The following GABRB1 variants were observed in gnomAD, a reference collection of about 807,000 sequenced individuals.
GABRB1 encodes gamma-aminobutyric acid type A receptor subunit beta1.
A neutral mutation model predicts 51.6 loss-of-function variants in GABRB1; 17 were observed. The observed-to-expected ratio is 0.33, with a 90% CI of 0.23 to 0.49. The LOEUF is 0.49. GABRB1 is among the 20% of genes least tolerant of loss of function. The probability of loss-of-function intolerance (pLI) is 0.99; values close to 1 mark genes in which losing one functional copy is unlikely to be tolerated. For synonymous variants in GABRB1, 247 were observed against 218.9 expected, an observed-to-expected ratio of 1.13 and a Z score of -1.14; for missense variants, 410 against 600.6, an observed-to-expected ratio of 0.68 and a Z score of 3.32.
At chr4:47,277,131 C>T (rs1297279188) in intron 4 of GABRB1, among the ~76,000 whole-genome samples, 1 of 152,056 alleles carries the variant, frequency 6.6e-6, no homozygotes, top group Non-Finnish European at 1.5e-5. Context: ...CCACGAATTA[C>T]ACTTGAGACT....
chr4:47,159,803 C>T (rs1443854484), intron 3 of GABRB1, among the ~76,000 whole-genome samples: 1 of 152,028 alleles, frequency 6.6e-6, no homozygotes, highest in Non-Finnish European at 1.5e-5. Flanking sequence ...AGATGTTAGA[C>T]ATGATTCTAA....
intron 3 of GABRB1, among the ~76,000 whole-genome samples, chr4:47,043,523 T>C (rs1725949932): frequency 1.3e-5 from 2 of 152,104 alleles, no homozygotes; most frequent in South Asian, 2.1e-4. Context: ...TAAATTTAAC[T>C]TGATGAATTA....
intron 3 of GABRB1, among the ~76,000 whole-genome samples, chr4:47,085,435 A>G (rs1728018488): frequency 6.6e-6 from 1 of 152,236 alleles, no homozygotes; most frequent in African/African-American, 2.4e-5. Context: ...TTCACTTTGT[A>G]TTGAAGCAAC....
intron 3 of GABRB1, among the ~76,000 whole-genome samples, chr4:47,110,034 G>C (rs1715151421): frequency 6.6e-6 from 1 of 152,030 alleles, no homozygotes; most frequent in African/African-American, 2.4e-5. Context: ...TCAAGAAGGG[G>C]GCTGTAACCA....
rs1308462955 is a variant in GABRB1 at position 47,376,916 on chromosome 4, A to G, written c.545-26402A>G. ...TTTGCAATCTTGAGATTTTGCTCTT[A>G]AGTAGATGAATGTTTCTTTTCTCCT... is the stretch of plus-strand genomic sequence containing the variant. On this transcript the variant is annotated intron_variant, in intron 5 of 8. Coordinates refer to ENST00000295454, the MANE Select transcript of GABRB1 (RefSeq NM_000812.4). Among the ~76,000 whole-genome samples, 3 of 152,192 alleles carry G rather than the reference A, an allele frequency of 2.0e-5. No homozygotes were observed. In the South Asian group the frequency reaches 6.2e-4, roughly 31 times the overall value.
chr4:47,241,687 A>G (rs908330216), intron 4 of GABRB1, among the ~76,000 whole-genome samples: 1 of 152,190 alleles, frequency 6.6e-6, no homozygotes, highest in African/African-American at 2.4e-5. Flanking sequence ...CCTTACCTCC[A>G]ACTCTCACCT....
chr4:47,109,158 G>A (rs534618393), intron 3 of GABRB1, among the ~76,000 whole-genome samples: 1 of 152,212 alleles, frequency 6.6e-6, no homozygotes, highest in East Asian at 1.9e-4. Context: ...TGCTTAACGT[G>A]AATGTGGTTT....
intron 1 of GABRB1, among the ~76,000 whole-genome samples, chr4:47,019,552 TC>T: frequency 8.2e-6 from 1 of 121,994 alleles, no homozygotes; most frequent in Non-Finnish European, 2.0e-5. Context: ...GTTTAGTTTC[TC>T]TCTCTCTCTC....
chr4:47,381,157 C>A (rs1560360750), intron 5 of GABRB1, among the ~76,000 whole-genome samples: 1 of 152,112 alleles, frequency 6.6e-6, no homozygotes, highest in East Asian at 1.9e-4. Context: ...CTGGAGGTGA[C>A]TACAGAAGCC....
intron 5 of GABRB1, among the ~76,000 whole-genome samples, chr4:47,351,395 A>G (rs892757661): frequency 6.6e-6 from 1 of 152,100 alleles, no homozygotes; most frequent in African/African-American, 2.4e-5. Context: ...TAATTTCACC[A>G]TAGAATTTTG....
chr4:47,216,442 C>T (rs541037400), intron 4 of GABRB1, among the ~76,000 whole-genome samples: 1 of 151,820 alleles, frequency 6.6e-6, no homozygotes, highest in Non-Finnish European at 1.5e-5. Flanking sequence ...TTAACCTTAG[C>T]GATATTTCTG....
At chr4:47,052,667 T>A (rs1726405811) in intron 3 of GABRB1, among the ~76,000 whole-genome samples, 1 of 152,178 alleles carries the variant, frequency 6.6e-6, no homozygotes, top group African/African-American at 2.4e-5. Flanking sequence ...AACCCTGTTG[T>A]CTTCTTGCTG....
chr4:47,096,588 A>G (rs1390316528), intron 3 of GABRB1, among the ~76,000 whole-genome samples: 1 of 152,190 alleles, frequency 6.6e-6, no homozygotes, highest in African/African-American at 2.4e-5. Context: ...GATTAATTTA[A>G]GGACCTTGAG....
chr4:47,113,670 T>C (rs1409927374), intron 3 of GABRB1, among the ~76,000 whole-genome samples: 6 of 152,208 alleles, frequency 3.9e-5, no homozygotes, highest in Non-Finnish European at 8.8e-5. Flanking sequence ...CTCCTAATGC[T>C]CAGATCCTTA....
intron 4 of GABRB1, among the ~76,000 whole-genome samples, chr4:47,296,659 G>A (rs1724009093): frequency 6.6e-6 from 1 of 152,086 alleles, no homozygotes; most frequent in African/African-American, 2.4e-5. Flanking sequence ...CAATAATAAT[G>A]GGAGACTTTA....
At position 47,258,762 on chromosome 4, in the gene GABRB1, T is replaced by C. The variant is rs369719970; in HGVS notation, c.462-61365T>C. Reference sequence around the variant, plus strand: ...CACTGTGATAATTGCAATCAATATATACATGGCCAAAAGCTGTTAAATTTA... The same window carrying C: ...CACTGTGATAATTGCAATCAATATACACATGGCCAAAAGCTGTTAAATTTA... On this transcript the variant is annotated intron_variant, in intron 4 of 8. Coordinates refer to ENST00000295454, the MANE Select transcript of GABRB1 (RefSeq NM_000812.4). Among the ~76,000 whole-genome samples the C allele has an allele frequency of 1.5e-4, 23 of 152,268 alleles. No homozygotes were observed. The East Asian group carries it at 4.2e-3, about 28-fold the overall frequency.
At chr4:47,076,807 G>GTCT (rs1314349331) in intron 3 of GABRB1, among the ~76,000 whole-genome samples, 1 of 152,062 alleles carries the variant, frequency 6.6e-6, no homozygotes, top group African/African-American at 2.4e-5. Flanking sequence ...AGATCTCTGT[G>GTCT]TCTCTTGCTT....
chr4:47,334,456 C>T (rs926894619), intron 5 of GABRB1, among the ~76,000 whole-genome samples: 2 of 152,108 alleles, frequency 1.3e-5, no homozygotes, highest in East Asian at 1.9e-4. Context: ...AATACATACA[C>T]CTGAACAGCA....
intron 4 of GABRB1, among the ~76,000 whole-genome samples, chr4:47,279,403 A>T (rs1433360729): frequency 6.6e-6 from 1 of 152,186 alleles, no homozygotes; most frequent in African/African-American, 2.4e-5. Flanking sequence ...AGTATTCAGG[A>T]TAAATATTGC....
Sources: gnomAD v4.1 joint callset for allele counts (sites outside exome capture counted in the v4.1 genomes callset) on GRCh38, gnomAD v4.1.1 for gene constraint, MANE v1.5 for transcripts, NCBI Gene and HGNC (gene_info 2026-07-23, HGNC 2026-07-21) for gene names.